STX3: variants seen among roughly 807,000 people sequenced by gnomAD.
STX3 encodes syntaxin-3.
Under a neutral mutation model 40.2 loss-of-function variants are expected in STX3, and 19 were observed. That is an observed-to-expected ratio of 0.47 (90% CI 0.33 to 0.69). The LOEUF is 0.69. STX3 is among the 30% of genes least tolerant of loss of function. The pLI is 0.02. For synonymous variants in STX3, 122 were observed against 132.2 expected, an observed-to-expected ratio of 0.92 and a Z score of 0.53; for missense variants, 364 against 366.7, an observed-to-expected ratio of 0.99 and a Z score of 0.06.
chr11:59,774,772 A>G (rs1863863790), intron 2 of STX3, among the ~76,000 whole-genome samples: 1 of 152,192 alleles, frequency 6.6e-6, no homozygotes, highest in Non-Finnish European at 1.5e-5. Flanking sequence ...CGTAGGTTGC[A>G]GTGAGCCGAG....
chr11:59,799,944 A>G (rs1267629532), intron 10 of STX3: 10 of 985,228 alleles, frequency 1.0e-5, no homozygotes, highest in Non-Finnish European at 1.2e-5. Context: ...AAAAAGATAT[A>G]AGAGTTGTTA....
At chr11:59,757,968 A>G (rs755908488) in intron 1 of STX3, among the ~76,000 whole-genome samples, 9 of 152,184 alleles carry the variant, frequency 5.9e-5, no homozygotes, top group Non-Finnish European at 1.2e-4. Flanking sequence ...TCCGTTATCA[A>G]TTAGAAGCGT....
intron 10 of STX3, chr11:59,800,480 G>A: frequency 1.0e-6 from 1 of 985,330 alleles, no homozygotes; most frequent in East Asian, 1.1e-4. Flanking sequence ...AAGGCAGCAG[G>A]GAGTTCATGA....
intron 2 of STX3, among the ~76,000 whole-genome samples, chr11:59,778,030 G>A (rs1052580968): frequency 2.0e-5 from 3 of 152,154 alleles, no homozygotes; most frequent in South Asian, 2.1e-4. Flanking sequence ...GCTTCTTTCT[G>A]TGGCTTGGGC....
chr11:59,775,570 C>A (rs1863919517), intron 2 of STX3, among the ~76,000 whole-genome samples: 1 of 152,152 alleles, frequency 6.6e-6, no homozygotes, highest in Non-Finnish European at 1.5e-5. Context: ...TGGTTTGAGT[C>A]CACTTTTCAA....
chr11:59,800,892 T>C lies in STX3; in HGVS notation c.*68T>C, dbSNP rs937962291. 2.0e-5 allele frequency: 31 copies of C among 1,536,164 alleles called. No homozygotes were observed. Among genetic ancestry groups the C allele is most frequent in the Non-Finnish European group, 2.0e-5 (23 of 1,146,866 alleles). ...CTCCAGACTGGTGTGGCCACCCTTG[T>C]CTTCAGATGAGAATGGAGTCTGAAT... On this transcript the variant is annotated 3_prime_UTR_variant, in exon 11 of 11. Coordinates refer to ENST00000337979, the MANE Select transcript of STX3 (RefSeq NM_004177.5).
intron 1 of STX3, among the ~76,000 whole-genome samples, chr11:59,769,998 G>T (rs1361175434): frequency 2.0e-5 from 3 of 151,184 alleles, no homozygotes; most frequent in African/African-American, 7.3e-5. Context: ...GGTTATGAGT[G>T]TGTGTGGGTG....
At position 59,797,323 on chromosome 11, in the gene STX3, G is replaced by A; in HGVS notation, c.827G>A (p.Gly276Asp). The change falls in exon 10 of 11, where the codon GGC becomes GAC. Residue 276 changes from glycine to aspartate, a missense_variant. By Grantham distance (94) the Gly-to-Asp change is moderately conservative. Transcript: ENST00000337979. ...ATTGTGCTAGTAGTTGTGTTGCTGG[G>A]CATTTTAGCATTGATTATTGGACTT... The part of the protein sequence containing the change: ...IIIVLVVVLL[G>D]ILALIIGLSV... The A allele has an allele frequency of 6.2e-7, 1 of 1,614,092 alleles. No individual in the cohort carries two copies. The highest frequency in any genetic ancestry group is 8.5e-7 in the Non-Finnish European group (1 of 1,180,010).
chr11:59,800,495 C>G (rs75353641), intron 10 of STX3: 1 of 985,260 alleles, frequency 1.0e-6, no homozygotes, highest in Non-Finnish European at 1.2e-6. Flanking sequence ...TCATGAAGAT[C>G]GAGAACCAGA....
At chr11:59,779,506 A>G (rs929461828) in intron 2 of STX3, among the ~76,000 whole-genome samples, 6 of 152,256 alleles carry the variant, frequency 3.9e-5, no homozygotes, top group Admixed American at 6.5e-5. Flanking sequence ...GGGAGAGCAC[A>G]TTCAGTCCAT....
chr11:59,754,239 C>T (rs183487827), upstream of STX3: 2 of 152,352 alleles, frequency 1.3e-5, no homozygotes, highest in East Asian at 3.9e-4. Flanking sequence ...ACGGCCGAGA[C>T]CCGCGGGGCC....
chr11:59,756,390 G>A (rs887210517), intron 1 of STX3, among the ~76,000 whole-genome samples: 2 of 152,192 alleles, frequency 1.3e-5, no homozygotes, highest in African/African-American at 4.8e-5. Flanking sequence ...AACGCATAGG[G>A]TTTTAAGCCA....
chr11:59,785,810 A>G (rs1005388733), intron 2 of STX3, among the ~76,000 whole-genome samples: 5 of 152,170 alleles, frequency 3.3e-5, no homozygotes, highest in Non-Finnish European at 7.4e-5. Flanking sequence ...AATTGTTGCA[A>G]TGTTGATGTG....
chr11:59,771,615 C>T (rs757055018), intron 1 of STX3, among the ~76,000 whole-genome samples: 10 of 152,026 alleles, frequency 6.6e-5, no homozygotes, highest in Non-Finnish European at 1.2e-4. Flanking sequence ...AAATGTTTGT[C>T]AGTTGGACCA....
rs925561481 is a variant in STX3, at chr11:59,755,619, T to A, written c.14T>A (p.Leu5Gln). 6.3e-7 allele frequency: 1 copy of A among 1,595,296 alleles called. No homozygotes were observed. Among genetic ancestry groups the A allele is most frequent in the East Asian group, 2.3e-5 (1 of 43,774 alleles). ...CTGGGCTTCAGGATGAAGGACCGTCTGGAGCAGCTGAAGGCCGTGAGTTTC... is the reference window on the plus strand; with the variant it reads ...CTGGGCTTCAGGATGAAGGACCGTCAGGAGCAGCTGAAGGCCGTGAGTTTC... MKDR[L>Q]EQLKAKQLTQ... The change falls in exon 1 of 11, where the codon CTG becomes CAG. Residue 5 changes from leucine to glutamine, a missense_variant. By Grantham distance (113) the Leu-to-Gln change is moderately radical. Coordinates refer to ENST00000337979, the MANE Select transcript of STX3 (RefSeq NM_004177.5).
At chr11:59,777,830 A>T (rs1430513122) in intron 2 of STX3, among the ~76,000 whole-genome samples, 2 of 152,196 alleles carry the variant, frequency 1.3e-5, no homozygotes, top group African/African-American at 4.8e-5. Flanking sequence ...GTGGAGTAGG[A>T]ATTCAAACAG....
intron 2 of STX3, among the ~76,000 whole-genome samples, chr11:59,776,361 A>G (rs1863964176): frequency 1.3e-5 from 2 of 152,220 alleles, no homozygotes; most frequent in East Asian, 1.9e-4. Flanking sequence ...AGTGCCTGAC[A>G]TCTAGTACAT....
chr11:59,772,004 T>G (rs932149298), intron 1 of STX3, among the ~76,000 whole-genome samples: 2 of 152,188 alleles, frequency 1.3e-5, no homozygotes, highest in East Asian at 3.8e-4. Flanking sequence ...ACTGTCCACA[T>G]GGCTGGAGAA....
chr11:59,782,041 T>G (rs184719395), intron 2 of STX3, among the ~76,000 whole-genome samples: 67 of 152,362 alleles, frequency 4.4e-4, no homozygotes, highest in African/African-American at 1.5e-3. Context: ...AGAGCTTTTT[T>G]GCTTAGCCTT....
Sources: allele counts gnomAD v4.1 joint callset (sites outside exome capture counted in the v4.1 genomes callset), GRCh38; gene constraint gnomAD v4.1.1; transcripts MANE v1.5; gene names NCBI Gene and HGNC (gene_info 2026-07-23, HGNC 2026-07-21).